AGBL4: variants seen among roughly 807,000 people sequenced by gnomAD.
AGBL4 encodes the protein AGBL carboxypeptidase 4.
A neutral mutation model predicts 66.4 loss-of-function variants in AGBL4; 58 were observed. The ratio of observed to expected loss-of-function variants is 0.87; its 90% CI spans 0.71 to 1.09. The LOEUF (loss-of-function observed/expected upper bound fraction) is 1.09. Among genes scored for constraint, AGBL4 ranks in the 50% least tolerant of loss-of-function variants. The probability of loss-of-function intolerance (pLI) is 0.00; values close to 1 mark genes in which losing one functional copy is unlikely to be tolerated. For missense variants in AGBL4, 579 were observed against 631.0 expected, an observed-to-expected ratio of 0.92 and a Z score of 0.88; for synonymous variants, 234 against 222.9, an observed-to-expected ratio of 1.05 and a Z score of -0.44.
At chr1:49,662,201 AAT>A (rs1324202261) in intron 3 of AGBL4, among the ~76,000 whole-genome samples, 2 of 150,620 alleles carry the variant, frequency 1.3e-5, no homozygotes, top group African/African-American at 2.4e-5. Flanking sequence ...AGTCTCACAG[AAT>A]ATATATATAT....
intron 3 of AGBL4, among the ~76,000 whole-genome samples, chr1:49,470,571 A>T (rs1646721998): frequency 6.6e-6 from 1 of 152,004 alleles, no homozygotes; most frequent in African/African-American, 2.4e-5. Context: ...GACCAAATTG[A>T]GGACTAGCTA....
At chr1:48,694,048 CAAA>C (rs61574470) in intron 6 of AGBL4, among the ~76,000 whole-genome samples, 6 of 56,998 alleles carry the variant, frequency 1.1e-4, no homozygotes, top group Non-Finnish European at 1.3e-4. Flanking sequence ...TTTCCCTATT[CAAA>C]AAAAAAAAAA....
At chr1:48,701,868 A>G (rs1314064147) in intron 6 of AGBL4, among the ~76,000 whole-genome samples, 1 of 152,210 alleles carries the variant, frequency 6.6e-6, no homozygotes, top group East Asian at 1.9e-4. Context: ...ACATAAATGA[A>G]TGAATGAATG....
chr1:49,718,534 C>A (rs577485353), intron 2 of AGBL4, among the ~76,000 whole-genome samples: 2 of 151,896 alleles, frequency 1.3e-5, no homozygotes, highest in Non-Finnish European at 2.9e-5. Context: ...GAAACATAAA[C>A]GGGTCAAAAT....
chr1:49,512,588 C>T (rs1368568011), intron 3 of AGBL4, among the ~76,000 whole-genome samples: 1 of 151,834 alleles, frequency 6.6e-6, no homozygotes, highest in Admixed American at 6.6e-5. Context: ...TACCTGCTCC[C>T]TCTTTGCCTT....
chr1:48,553,536 T>G (rs1485331229), intron 11 of AGBL4, among the ~76,000 whole-genome samples: 1 of 152,108 alleles, frequency 6.6e-6, no homozygotes, highest in Non-Finnish European at 1.5e-5. Context: ...TCTGTAAATT[T>G]GGAGGAGGGA....
In AGBL4 at chr1:50,023,854, G is replaced by A; in HGVS notation, c.-58C>T. ...AAGACCGCGGGGCAGTAGGGAGCGG[G>A]TGGTGGGATCAGTGGGCTGACAGGA... On this transcript the variant is annotated 5_prime_UTR_variant, in exon 1 of 14. Coordinates refer to ENST00000371839, the MANE Select transcript of AGBL4 (RefSeq NM_032785.4). 2.6e-6 allele frequency: 4 copies of A among 1,531,306 alleles called. No homozygotes were observed. Among genetic ancestry groups the A allele is most frequent in the Non-Finnish European group, 3.5e-6 (4 of 1,136,462 alleles). 94.9% of individuals were successfully genotyped at this position (1,531,306 alleles called of 1,614,324 possible). A position where few individuals can be genotyped will look rare whatever the true frequency, so the allele number is the denominator to read the frequency against.
chr1:49,240,551 C>CTTTTTTTTTTTTTTTTTTTTTTTTTTTTT (rs34162300), intron 4 of AGBL4, among the ~76,000 whole-genome samples: 1 of 123,716 alleles, frequency 8.1e-6, no homozygotes. Flanking sequence ...ACTGCATTTT[C>CTTTTTTTTTTTTTTTTTTTTTTTTTTTTT]TTTTTTTTTT....
At chr1:49,953,134 A>G (rs1190155248) in intron 1 of AGBL4, among the ~76,000 whole-genome samples, 1 of 151,992 alleles carries the variant, frequency 6.6e-6, no homozygotes, top group African/African-American at 2.4e-5. Flanking sequence ...ATATTTGAAA[A>G]ATTATGCTTC....
chr1:49,053,089 C>T (rs1455492944), intron 4 of AGBL4, among the ~76,000 whole-genome samples: 1 of 152,064 alleles, frequency 6.6e-6, no homozygotes, highest in East Asian at 1.9e-4. Context: ...ATGTGATACT[C>T]ATCATGCTGT....
intron 2 of AGBL4, among the ~76,000 whole-genome samples, chr1:49,720,554 T>C (rs887082116): frequency 6.6e-6 from 1 of 152,142 alleles, no homozygotes; most frequent in African/African-American, 2.4e-5. Flanking sequence ...TAAAAGCATA[T>C]ACTTTGGAAT....
chr1:48,981,839 T>G (rs1464843376), intron 5 of AGBL4, among the ~76,000 whole-genome samples: 1 of 152,184 alleles, frequency 6.6e-6, no homozygotes, highest in Non-Finnish European at 1.5e-5. Context: ...GAGGTTGCAG[T>G]GAGCCAAGAT....
chr1:49,858,742 C>T (rs2148078103), intron 1 of AGBL4, among the ~76,000 whole-genome samples: 1 of 152,194 alleles, frequency 6.6e-6, no homozygotes, highest in African/African-American at 2.4e-5. Context: ...AAAGGCCAGG[C>T]AAGGTGCCTC....
intron 3 of AGBL4, among the ~76,000 whole-genome samples, chr1:49,301,948 T>A (rs1006116818): frequency 2.0e-5 from 3 of 152,176 alleles, no homozygotes; most frequent in Admixed American, 6.6e-5. Context: ...AGGATGGATT[T>A]GAGGAAATAT....
chr1:49,055,659 G>C (rs1644295280), intron 4 of AGBL4, among the ~76,000 whole-genome samples: 1 of 152,012 alleles, frequency 6.6e-6, no homozygotes, highest in African/African-American at 2.4e-5. Flanking sequence ...AGATATAGGT[G>C]TAGCTAAGAA....
chr1:49,149,799 C>T (rs1646292157), intron 4 of AGBL4, among the ~76,000 whole-genome samples: 1 of 152,086 alleles, frequency 6.6e-6, no homozygotes, highest in Non-Finnish European at 1.5e-5. Context: ...TACAAATATG[C>T]CCCAAAAAGC....
At chr1:49,094,418 G>C (rs1357922741) in intron 4 of AGBL4, among the ~76,000 whole-genome samples, 1 of 152,082 alleles carries the variant, frequency 6.6e-6, no homozygotes, top group Non-Finnish European at 1.5e-5. Context: ...TTTTGTTAAA[G>C]GCCTTTTCTG....
chr1:49,081,932 C>A (rs996235436), intron 4 of AGBL4, among the ~76,000 whole-genome samples: 4 of 152,078 alleles, frequency 2.6e-5, no homozygotes, highest in Non-Finnish European at 4.4e-5. Flanking sequence ...AGGAAGTTGG[C>A]ATTTAAAAAG....
intron 3 of AGBL4, among the ~76,000 whole-genome samples, chr1:49,647,667 T>C (rs1645915830): frequency 6.6e-6 from 1 of 152,076 alleles, no homozygotes; most frequent in South Asian, 2.1e-4. Context: ...CTCTTCTACT[T>C]AACAAGGTCT....
Sources: allele counts gnomAD v4.1 joint callset (sites outside exome capture counted in the v4.1 genomes callset), GRCh38; gene constraint gnomAD v4.1.1; transcripts MANE v1.5; gene names NCBI Gene and HGNC (gene_info 2026-07-23, HGNC 2026-07-21).